PCDH15: variants seen among roughly 807,000 people sequenced by gnomAD.
PCDH15 encodes the protein protocadherin-15.
In PCDH15, 129 loss-of-function variants were observed where a neutral mutation model predicts 178.5. The ratio of observed to expected loss-of-function variants is 0.72; its 90% CI spans 0.63 to 0.84. PCDH15 has a LOEUF of 0.84. PCDH15 is among the 40% of genes least tolerant of loss of function. The pLI, the probability that PCDH15 is intolerant of heterozygous loss-of-function variation, is 0.00. For synonymous variants in PCDH15, 800 were observed against 732.0 expected (o/e 1.09, Z -1.50); for missense variants, 2,230 against 2,099.9 (o/e 1.06, Z -1.21).
At chr10:54,434,241 C>T (rs1417717186) in intron 3 of PCDH15, among the ~76,000 whole-genome samples, 1 of 126,018 alleles carries the variant, frequency 7.9e-6, no homozygotes, top group Non-Finnish European at 1.9e-5. Context: ...AGATTAATTA[C>T]TGAAGAAAAA....
At chr10:53,893,581 G>C (rs1380849892) in intron 26 of PCDH15, among the ~76,000 whole-genome samples, 1 of 152,176 alleles carries the variant, frequency 6.6e-6, no homozygotes, top group Non-Finnish European at 1.5e-5. Flanking sequence ...TAAAGAAAAT[G>C]TGGTATATAT....
intron 8 of PCDH15, among the ~76,000 whole-genome samples, chr10:54,309,283 A>G (rs56867837): frequency 2.0e-5 from 3 of 150,312 alleles, no homozygotes; most frequent in East Asian, 3.9e-4. Flanking sequence ...TACAATTACA[A>G]TAAGTATTTA....
intron 2 of PCDH15, among the ~76,000 whole-genome samples, chr10:55,418,975 C>T (rs750030933): frequency 6.6e-6 from 1 of 151,518 alleles, no homozygotes; most frequent in Admixed American, 6.6e-5. Flanking sequence ...ATAATATCTA[C>T]GTATTATATT....
intron 13 of PCDH15, among the ~76,000 whole-genome samples, chr10:54,161,549 T>C (rs2045711598): frequency 6.6e-6 from 1 of 151,748 alleles, no homozygotes. Flanking sequence ...ATGGAACTGA[T>C]GTTTACTGGT....
intron 2 of PCDH15, among the ~76,000 whole-genome samples, chr10:54,942,058 A>G (rs1838076522): frequency 6.6e-6 from 1 of 152,074 alleles, no homozygotes; most frequent in Non-Finnish European, 1.5e-5. Context: ...TCTCCCCAAT[A>G]TAGTCCAATC....
intron 2 of PCDH15, among the ~76,000 whole-genome samples, chr10:55,570,945 C>T (rs1464703203): frequency 1.3e-5 from 2 of 152,012 alleles, no homozygotes; most frequent in African/African-American, 4.8e-5. Context: ...TTTAAGGCCA[C>T]TATCATAAAA....
rs2049537909 is a variant in PCDH15, at chr10:54,195,721, G to A, written c.1267C>T (p.Pro423Ser). 2.5e-6 allele frequency: 4 copies of A among 1,613,850 alleles called. No homozygotes were observed. The highest frequency in any genetic ancestry group is 1.6e-4 in the Middle Eastern group (1 of 6,080). Residue 423 changes from proline to serine, a missense_variant, in exon 11 of 38, where the codon CCT becomes TCT. By Grantham distance (74) the Pro-to-Ser change is moderately conservative (BLOSUM62 -1). Coordinates refer to ENST00000644397, the MANE Select transcript of PCDH15 (RefSeq NM_001384140.1). ...TISDSLNLTS[P>S]LRIVALDKDI... ...TTGTCCAGAGCTACTATTCTTAAAG[G>A]TGAAGTCAAATTGAGACTGTCCGAA...
intron 18 of PCDH15, among the ~76,000 whole-genome samples, chr10:54,027,553 A>G (rs907441458): frequency 2.7e-5 from 4 of 149,806 alleles, no homozygotes; most frequent in African/African-American, 1.0e-4. Context: ...CTACAAGGCT[A>G]CAGTAACCAA....
At chr10:55,618,329 T>C (rs1459463303) in intron 2 of PCDH15, among the ~76,000 whole-genome samples, 5 of 152,110 alleles carry the variant, frequency 3.3e-5, no homozygotes, top group Non-Finnish European at 7.4e-5. Flanking sequence ...TTATTTGTTG[T>C]AGTCTTTTGT....
At chr10:54,900,677 A>G (rs2045147) in intron 2 of PCDH15, among the ~76,000 whole-genome samples, 86,902 of 152,018 alleles carry the variant, frequency 0.57, 25,111 homozygotes, top group East Asian at 0.66. Flanking sequence ...AAAAGTTTAT[A>G]TATGACAATG....
rs149621878 is a variant in PCDH15, at chr10:54,311,050, A to G, written c.876+6221T>C. 5.5e-4 allele frequency among the ~76,000 whole-genome samples: 84 copies of G among 152,256 alleles called. 1 individual carries two copies. In the East Asian group the frequency reaches 0.014, roughly 26 times the overall value. Reference sequence around the variant, plus strand: ...AGCTTCCCCGGAGGGAGAGGGTTTCATAGATAAACCAGAGAAGCTGTTTTT... The same window carrying G: ...AGCTTCCCCGGAGGGAGAGGGTTTCGTAGATAAACCAGAGAAGCTGTTTTT... On this transcript the variant is annotated intron_variant, in intron 8 of 37. Coordinates refer to ENST00000644397, the MANE Select transcript of PCDH15 (RefSeq NM_001384140.1).
Position 54,867,644 on chromosome 10 carries a change from G to C in PCDH15, c.-29+29806C>G, listed in dbSNP as rs116081398. Reference sequence around the variant, plus strand: ...TCTAACTAATAAGGATAAATGTCATGGTCTTTAATAATATTATGCCAGATA... The same window carrying C: ...TCTAACTAATAAGGATAAATGTCATCGTCTTTAATAATATTATGCCAGATA... On this transcript the variant is annotated intron_variant, in intron 3 of 5. Transcript: ENST00000458638. 2.9e-3 allele frequency among the ~76,000 whole-genome samples: 435 copies of C among 152,002 alleles called. 3 individuals carry two copies. Among genetic ancestry groups the C allele is most frequent in the African/African-American group, 9.9e-3 (410 of 41,462 alleles).
chr10:53,940,762 A>T, intron 24 of PCDH15, 104 bp downstream of exon 24: 1 of 868,294 alleles, frequency 1.2e-6, no homozygotes. Flanking sequence ...GCACAATTTT[A>T]TTAGAAAACA....
intron 2 of PCDH15, among the ~76,000 whole-genome samples, chr10:55,438,544 A>G (rs1839102437): frequency 6.6e-6 from 1 of 152,148 alleles, no homozygotes; most frequent in Non-Finnish European, 1.5e-5. Context: ...TGCCACCAAT[A>G]GTTTTTTCCT....
chr10:55,480,663 G>C (rs1191483149), intron 2 of PCDH15, among the ~76,000 whole-genome samples: 1 of 151,804 alleles, frequency 6.6e-6, no homozygotes, highest in African/African-American at 2.4e-5. Flanking sequence ...AACCAACCTT[G>C]CATTCTTGGG....
At chr10:55,459,454 A>G (rs1180114071) in intron 2 of PCDH15, among the ~76,000 whole-genome samples, 1 of 152,074 alleles carries the variant, frequency 6.6e-6, no homozygotes, top group Non-Finnish European at 1.5e-5. Flanking sequence ...ATTACCCTAT[A>G]CTTTTTTATG....
chr10:55,601,381 C>A (rs762791102), intron 2 of PCDH15, among the ~76,000 whole-genome samples: 1 of 152,114 alleles, frequency 6.6e-6, no homozygotes, highest in Non-Finnish European at 1.5e-5. Context: ...TAATCAAAGT[C>A]ACATTGAAAT....
At chr10:54,115,301 A>C (rs1401834152) in intron 15 of PCDH15, among the ~76,000 whole-genome samples, 1 of 152,184 alleles carries the variant, frequency 6.6e-6, no homozygotes, top group Non-Finnish European at 1.5e-5. Flanking sequence ...ATGCAGAAGG[A>C]CCACCTGTTT....
chr10:55,589,092 A>AG (rs1564469077), intron 2 of PCDH15, among the ~76,000 whole-genome samples: 1 of 151,682 alleles, frequency 6.6e-6, no homozygotes, highest in Non-Finnish European at 1.5e-5. Context: ...AAAAAAAAAA[A>AG]AAAAAAAAAG....
Sources: gnomAD v4.1 joint callset for allele counts (sites outside exome capture counted in the v4.1 genomes callset) on GRCh38, gnomAD v4.1.1 for gene constraint, MANE v1.5 for transcripts, NCBI Gene and HGNC (gene_info 2026-07-23, HGNC 2026-07-21) for gene names.